Variants in HIVEP1 observed in about 807,000 individuals in gnomAD.
The protein encoded by HIVEP1 is zinc finger protein 40.
HIVEP1 carries 36 observed loss-of-function variants against 180.0 expected under a neutral mutation model. The ratio of observed to expected loss-of-function variants is 0.20; its 90% CI spans 0.15 to 0.26. HIVEP1 has a LOEUF of 0.26. HIVEP1 is among the 10% of genes least tolerant of loss of function. The pLI, the probability that HIVEP1 is intolerant of heterozygous loss-of-function variation, is 1.00. For synonymous variants in HIVEP1, 1,239 were observed against 1,239.0 expected (o/e 1.00, Z 0.00); for missense variants, 3,143 against 3,268.7 (o/e 0.96, Z 0.94).
At chr6:12,015,231 G>A (rs778575245) in intron 1 of HIVEP1, among the ~76,000 whole-genome samples, 92 of 152,166 alleles carry the variant, frequency 6.0e-4, no homozygotes, top group Non-Finnish European at 9.6e-4. Flanking sequence ...TAATCCTTTT[G>A]TAGCCTGATG....
chr6:12,090,759 T>TA lies in HIVEP1; in HGVS notation c.94+1523dup, dbSNP rs1554141232. On this transcript the variant is annotated intron_variant, in intron 3 of 8. Coordinates refer to ENST00000379388, the MANE Select transcript of HIVEP1 (RefSeq NM_002114.4). The stretch of plus-strand genomic sequence containing the variant: ...CCTTTTTTTTTTTTTTTTTTTTTTT[T>TA]ACATCTAGTCATGGTTTAGAGCTGC... 9.0e-4 allele frequency among the ~76,000 whole-genome samples: 117 copies of TA among 130,406 alleles called. No homozygotes were observed. The East Asian group carries it at 0.029, about 33-fold the overall frequency. The allele number at this position is 130,406 out of a possible 152,430, so 85.6% of individuals were successfully genotyped here.
the HIVEP1 span, among the ~76,000 whole-genome samples, chr6:12,189,129 A>G: frequency 6.6e-6 from 1 of 151,992 alleles, no homozygotes; most frequent in African/African-American, 2.4e-5. Context: ...CAGCCAATCA[A>G]GAGAAAAATT....
upstream of HIVEP1, among the ~76,000 whole-genome samples, chr6:12,011,165 G>C (rs905088332): frequency 1.3e-5 from 2 of 151,662 alleles, no homozygotes; most frequent in African/African-American, 4.9e-5. Flanking sequence ...CCAACACCCT[G>C]CCCCCTCCGT....
chr6:12,157,520 C>T (rs1391084896), intron 7 of HIVEP1, among the ~76,000 whole-genome samples: 1 of 152,160 alleles, frequency 6.6e-6, no homozygotes, highest in African/African-American at 2.4e-5. Context: ...CATTGCTTTA[C>T]ATGGAGCCTA....
At chr6:12,148,594 C>T (rs1231547168) in intron 7 of HIVEP1, among the ~76,000 whole-genome samples, 1 of 152,194 alleles carries the variant, frequency 6.6e-6, no homozygotes, top group Non-Finnish European at 1.5e-5. Flanking sequence ...TCTTCTTAAT[C>T]TAACATAATT....
At chr6:12,105,629 A>G (rs1356731491) in intron 3 of HIVEP1, among the ~76,000 whole-genome samples, 1 of 152,132 alleles carries the variant, frequency 6.6e-6, no homozygotes, top group Non-Finnish European at 1.5e-5. Context: ...ATACATTATC[A>G]TATTAACCTT....
chr6:12,179,447 T>C, the HIVEP1 span, among the ~76,000 whole-genome samples: 1 of 152,190 alleles, frequency 6.6e-6, no homozygotes, highest in South Asian at 2.1e-4. Context: ...TAACCTCTGA[T>C]TGGAGCCAGA....
intron 8 of HIVEP1, 91 bp downstream of exon 8, chr6:12,162,020 A>C (rs1053014666): frequency 1.6e-6 from 2 of 1,242,556 alleles, no homozygotes; most frequent in South Asian, 1.5e-5. Flanking sequence ...TAATGCACTT[A>C]AGTGATTTTT....
chr6:12,085,303 A>G (rs1773047501), intron 2 of HIVEP1, among the ~76,000 whole-genome samples: 1 of 151,946 alleles, frequency 6.6e-6, no homozygotes, highest in Non-Finnish European at 1.5e-5. Flanking sequence ...CAGAGAAGGG[A>G]CAGTGTGGGA....
chr6:12,129,709 G>A (rs1204136734), intron 4 of HIVEP1, 50 bp from the exon 5 acceptor site: 2 of 1,424,688 alleles, frequency 1.4e-6, no homozygotes, highest in South Asian at 2.3e-5. Context: ...AGATTAGCAT[G>A]CTTGTGTTTT....
intron 2 of HIVEP1, among the ~76,000 whole-genome samples, chr6:12,074,643 T>TGTGTGTGTGC (rs573970756): frequency 3.4e-5 from 5 of 148,148 alleles, no homozygotes; most frequent in African/African-American, 7.7e-5. Context: ...TGTGTGTGTG[T>TGTGTGTGTGC]GCGCGCGCGT....
chr6:12,150,082 T>C (rs1217810475), intron 7 of HIVEP1, among the ~76,000 whole-genome samples: 1 of 152,230 alleles, frequency 6.6e-6, no homozygotes, highest in East Asian at 1.9e-4. Flanking sequence ...AAGAAGTTTC[T>C]ATTTAGTTTA....
At chr6:12,022,063 A>G (rs759397816) in intron 2 of HIVEP1, among the ~76,000 whole-genome samples, 4 of 152,226 alleles carry the variant, frequency 2.6e-5, no homozygotes, top group Non-Finnish European at 5.9e-5. Flanking sequence ...TGCTTCTTCC[A>G]ATATTTGGTA....
chr6:12,171,515 G>T, the HIVEP1 span, among the ~76,000 whole-genome samples: 1 of 152,172 alleles, frequency 6.6e-6, no homozygotes, highest in Non-Finnish European at 1.5e-5. Context: ...GCTCACAGTG[G>T]CCCCTGTGAG....
chr6:12,091,273 A>C lies in HIVEP1; in HGVS notation c.94+2036A>C, dbSNP rs143066260. Reference sequence around the variant, plus strand: ...TTTAGATTATGGTAAGTCATCTACAATAGATCTCTTTTTCATTGTTTTTCT... The same window carrying C: ...TTTAGATTATGGTAAGTCATCTACACTAGATCTCTTTTTCATTGTTTTTCT... On this transcript the variant is annotated intron_variant, in intron 3 of 8. Transcript: ENST00000379388. 2.2e-4 allele frequency among the ~76,000 whole-genome samples: 33 copies of C among 152,238 alleles called. No homozygotes were observed. The East Asian group carries it at 5.8e-3, about 27-fold the overall frequency.
the HIVEP1 span, among the ~76,000 whole-genome samples, chr6:12,173,410 A>G: frequency 1.3e-4 from 20 of 152,266 alleles, no homozygotes; most frequent in Non-Finnish European, 1.9e-4. Context: ...TTATGTGCAG[A>G]CTTTATGAGG....
chr6:12,014,341 T>G (rs1767601178), intron 1 of HIVEP1, among the ~76,000 whole-genome samples: 2 of 152,202 alleles, frequency 1.3e-5, no homozygotes, highest in Admixed American at 6.5e-5. Context: ...ACCACATTCT[T>G]TAGTTGTTTA....
At chr6:12,118,422 A>G (rs1399237417) in intron 3 of HIVEP1, among the ~76,000 whole-genome samples, 1 of 152,202 alleles carries the variant, frequency 6.6e-6, no homozygotes, top group African/African-American at 2.4e-5. Context: ...TTTTGTTCAT[A>G]TGCCCAACAA....
chr6:12,021,911 C>T lies in HIVEP1; in HGVS notation c.40+6243C>T, dbSNP rs6921949. On this transcript the variant is annotated intron_variant, in intron 2 of 8. Coordinates refer to ENST00000379388, the MANE Select transcript of HIVEP1 (RefSeq NM_002114.4). ...AACTCCTAACCTCAAGTGATCCACC[C>T]GCCTTGGTCTCCCAAAGTGCTGGGA... Among the ~76,000 whole-genome samples, 1,247 of 152,248 alleles carry T rather than the reference C, an allele frequency of 8.2e-3. 18 individuals carry two copies. The highest frequency in any genetic ancestry group is 0.029 in the African/African-American group (1,190 of 41,544).
Sources: gnomAD v4.1 joint callset for allele counts (sites outside exome capture counted in the v4.1 genomes callset) on GRCh38, gnomAD v4.1.1 for gene constraint, MANE v1.5 for transcripts, NCBI Gene and HGNC (gene_info 2026-07-23, HGNC 2026-07-21) for gene names.